ZC2HC1B: variants seen among roughly 807,000 people sequenced by gnomAD.
ZC2HC1B encodes zinc finger C2HC domain-containing protein 1B.
In ZC2HC1B, 36 loss-of-function variants were observed where a neutral mutation model predicts 31.0. That is an observed-to-expected ratio of 1.16 (90% CI 0.89 to 1.54). The LOEUF (loss-of-function observed/expected upper bound fraction) is 1.54, where lower values mean the gene tolerates loss of function less well. Ranked by LOEUF, ZC2HC1B falls within the 40% of genes most tolerant of loss-of-function variation. ZC2HC1B has a pLI of 0.00. For missense variants in ZC2HC1B, 260 were observed against 268.6 expected (o/e 0.97, Z 0.22); for synonymous variants, 73 against 88.0 (o/e 0.83, Z 0.95).
chr6:143,925,962 A>G (rs1778035496), intron 6 of ZC2HC1B, among the ~76,000 whole-genome samples: 1 of 152,126 alleles, frequency 6.6e-6, no homozygotes, highest in Non-Finnish European at 1.5e-5. Flanking sequence ...TATCAGTTGT[A>G]ATGTCTCCCT....
In ZC2HC1B at chr6:143,868,247, G is replaced by A. The variant is rs570792742; in HGVS notation, c.28+3680G>A. 6.6e-6 allele frequency among the ~76,000 whole-genome samples: 1 copy of A among 152,256 alleles called. No homozygotes were observed. The highest frequency in any genetic ancestry group is 2.1e-4 in the South Asian group (1 of 4,822). The stretch of plus-strand genomic sequence containing the variant: ...AAGGTGTATTAGGGTTCTCTAGAGG[G>A]ATGGAACTAATAGGCTAGATCTGTA... On this transcript the variant is annotated intron_variant, in intron 1 of 7. Transcript: ENST00000237275. The surrounding 1 kb of genome is among the most constrained non-coding windows in gnomAD (Gnocchi z 4.2).
At chr6:143,879,055 C>A (rs1777438881) in intron 1 of ZC2HC1B, among the ~76,000 whole-genome samples, 1 of 152,184 alleles carries the variant, frequency 6.6e-6, no homozygotes, top group African/African-American at 2.4e-5. Flanking sequence ...ATCTTAACTT[C>A]TTTCAAACAG....
intron 4 of ZC2HC1B, among the ~76,000 whole-genome samples, chr6:143,897,502 A>G (rs1467895916): frequency 6.6e-6 from 1 of 151,844 alleles, no homozygotes; most frequent in Non-Finnish European, 1.5e-5. Context: ...AAGAAAAAAA[A>G]GATATTATAC....
rs143577250 is a variant in ZC2HC1B, at chr6:143,878,334, C to G, written c.29-5970C>G. 5.7e-4 allele frequency among the ~76,000 whole-genome samples: 86 copies of G among 150,562 alleles called. 3 individuals are homozygous for G. Among genetic ancestry groups the G allele is most frequent in the African/African-American group, 2.0e-3 (83 of 40,824 alleles). The stretch of plus-strand genomic sequence containing the variant: ...CACTGTTTAAAATGGCCATGTTAGC[C>G]AGGTGTGGTGGTGTGGGCCTGTGCT... On this transcript the variant is annotated intron_variant, in intron 1 of 7. Transcript: ENST00000237275.
In ZC2HC1B at chr6:143,872,442, A is replaced by G. The variant is rs1001162483; in HGVS notation, c.28+7875A>G. Reference sequence around the variant, plus strand: ...TGTTGCCACTTTGCCTCTGCAGTCCATTACAGTAGCTACATCCACCTTGCC... The same window carrying G: ...TGTTGCCACTTTGCCTCTGCAGTCCGTTACAGTAGCTACATCCACCTTGCC... On this transcript the variant is annotated intron_variant, in intron 1 of 7. Transcript: ENST00000237275. This position sits in a 1 kb window ranked among gnomAD's most constrained non-coding sequence, Gnocchi z 5.5. Among the ~76,000 whole-genome samples, 2 of 152,222 alleles carry G rather than the reference A, an allele frequency of 1.3e-5. No homozygotes were observed. Among genetic ancestry groups the G allele is most frequent in the Non-Finnish European group, 2.9e-5 (2 of 68,038 alleles).
intron 6 of ZC2HC1B, among the ~76,000 whole-genome samples, chr6:143,929,534 A>G (rs1562349260): frequency 6.6e-6 from 1 of 152,046 alleles, no homozygotes; most frequent in Admixed American, 6.6e-5. Context: ...ATTAGTCTGT[A>G]ATTTTCTTTT....
intron 6 of ZC2HC1B, among the ~76,000 whole-genome samples, chr6:143,920,405 C>T (rs544390515): frequency 1.3e-5 from 2 of 152,066 alleles, no homozygotes; most frequent in Non-Finnish European, 2.9e-5. Context: ...AGCAACAAGA[C>T]ATAAGAGAAA....
intron 1 of ZC2HC1B, among the ~76,000 whole-genome samples, chr6:143,866,462 C>CT (rs534313066): frequency 6.6e-6 from 1 of 152,234 alleles, no homozygotes; most frequent in South Asian, 2.1e-4. Flanking sequence ...GATTGTACCA[C>CT]TTTCTACTGA....
chr6:143,928,780 T>G (rs1275329125), intron 6 of ZC2HC1B, among the ~76,000 whole-genome samples: 1 of 151,866 alleles, frequency 6.6e-6, no homozygotes, highest in Non-Finnish European at 1.5e-5. Context: ...TTTGTAGTTT[T>G]CCTTGTAGAC....
Position 143,885,670 on chromosome 6 carries a change from C to G in ZC2HC1B, c.91-362C>G, listed in dbSNP as rs1000609652. 6.6e-6 allele frequency among the ~76,000 whole-genome samples: 1 copy of G among 152,152 alleles called. No individual in the cohort carries two copies. The highest frequency in any genetic ancestry group is 6.6e-5 in the Admixed American group (1 of 15,262). ...TAGCACATTTTATACAGGTGGTACA[C>G]AGGGAAAGCTCTGCATGTTAGCTCT... is the stretch of plus-strand genomic sequence containing the variant. On this transcript the variant is annotated intron_variant, in intron 2 of 7. Coordinates refer to ENST00000237275, the MANE Select transcript of ZC2HC1B (RefSeq NM_001013623.3). The surrounding 1 kb of genome is among the most constrained non-coding windows in gnomAD (Gnocchi z 4.2).
intron 6 of ZC2HC1B, among the ~76,000 whole-genome samples, chr6:143,916,210 G>A (rs1230018852): frequency 1.3e-5 from 2 of 152,252 alleles, no homozygotes; most frequent in East Asian, 1.9e-4. Flanking sequence ...GCTTCAGAGG[G>A]TGGAAGCCCC....
At position 143,933,979 on chromosome 6, in the gene ZC2HC1B, GAT is replaced by G. The variant is rs1778150454; in HGVS notation, c.599-3668_599-3667del. ...TTGCCTTCCCCGAGGGCTCTTGTGA[GAT>G]AGAGTCAGGGATGGCTTCCCTGGGC... On this transcript the variant is annotated intron_variant, in intron 6 of 7. Transcript: ENST00000237275. This position sits in a 1 kb window ranked among gnomAD's most constrained non-coding sequence, Gnocchi z 6.4. Among the ~76,000 whole-genome samples the G allele has an allele frequency of 6.6e-6, 1 of 152,238 alleles. No homozygotes were observed. Among genetic ancestry groups the G allele is most frequent in the African/African-American group, 2.4e-5 (1 of 41,472 alleles).
At chr6:143,935,982 T>C (rs112223713) in intron 6 of ZC2HC1B, among the ~76,000 whole-genome samples, 1,580 of 152,280 alleles carry the variant, frequency 0.01, 22 homozygotes, top group Non-Finnish European at 0.018. Flanking sequence ...TATGGTATCA[T>C]ATATTATAAA....
intron 5 of ZC2HC1B, among the ~76,000 whole-genome samples, chr6:143,898,945 T>C (rs1267478791): frequency 1.3e-5 from 2 of 152,234 alleles, no homozygotes; most frequent in Non-Finnish European, 2.9e-5. Flanking sequence ...CTTGAATACA[T>C]AGTGTTTCTA....
chr6:143,867,275 C>T (rs1030934374), intron 1 of ZC2HC1B, among the ~76,000 whole-genome samples: 14 of 152,176 alleles, frequency 9.2e-5, no homozygotes, highest in African/African-American at 2.7e-4. Context: ...TATCCTTAAA[C>T]ACAACATCTT....
chr6:143,913,676 G>C lies in ZC2HC1B; in HGVS notation c.598+10524G>C, dbSNP rs542515510. On this transcript the variant is annotated intron_variant, in intron 6 of 7. Coordinates refer to ENST00000237275, the MANE Select transcript of ZC2HC1B (RefSeq NM_001013623.3). This position sits in a 1 kb window ranked among gnomAD's most constrained non-coding sequence, Gnocchi z 5.7. ...TTCTATGTGACAGATCCAAGGCTCT[G>C]GTGGCATAGGCTCACAAGGGGATCT... Among the ~76,000 whole-genome samples, 1 of 152,330 alleles carries C rather than the reference G, an allele frequency of 6.6e-6. No homozygotes were observed. Among genetic ancestry groups the C allele is most frequent in the East Asian group, 1.9e-4 (1 of 5,186 alleles).
At chr6:143,888,276 C>T (rs1367073150) in intron 4 of ZC2HC1B, among the ~76,000 whole-genome samples, 1 of 152,036 alleles carries the variant, frequency 6.6e-6, no homozygotes, top group Admixed American at 6.6e-5. Context: ...TGTCTTTACA[C>T]CAGTACCAAA....
chr6:143,907,309 G>A (rs1037022284), intron 6 of ZC2HC1B, among the ~76,000 whole-genome samples: 9 of 152,174 alleles, frequency 5.9e-5, no homozygotes, highest in African/African-American at 1.7e-4. Flanking sequence ...TAATGGGATT[G>A]CTGGGTCAAA....
rs1010534139 is a variant in ZC2HC1B at position 143,870,799 on chromosome 6, A to G, written c.28+6232A>G. ...TTTGGGGGCCTGCCAAAGGCTCCAA[A>G]CAGCATCGCCATCTGCCACTGACAC... is the stretch of plus-strand genomic sequence containing the variant. On this transcript the variant is annotated intron_variant, in intron 1 of 7. Transcript: ENST00000237275. The surrounding 1 kb of genome is among the most constrained non-coding windows in gnomAD (Gnocchi z 4.7). 1.2e-4 allele frequency among the ~76,000 whole-genome samples: 18 copies of G among 152,112 alleles called. No homozygotes were observed. Among genetic ancestry groups the G allele is most frequent in the Admixed American group, 1.2e-3 (18 of 15,264 alleles).
Sources: gnomAD v4.1 joint callset for allele counts (sites outside exome capture counted in the v4.1 genomes callset) on GRCh38, gnomAD v4.1.1 for gene constraint, Gnocchi (gnomAD v3.1) non-coding constraint, MANE v1.5 for transcripts, NCBI Gene and HGNC (gene_info 2026-07-23, HGNC 2026-07-21) for gene names.